CSNK1E: variants seen among roughly 807,000 people sequenced by gnomAD.
The protein encoded by CSNK1E is casein kinase 1 epsilon, also known as casein kinase I isoform epsilon.
CSNK1E carries 17 observed loss-of-function variants against 46.1 expected under a neutral mutation model. That is an observed-to-expected ratio of 0.37 (90% CI 0.25 to 0.55). CSNK1E has a LOEUF of 0.55. Among genes scored for constraint, CSNK1E ranks in the 20% least tolerant of loss-of-function variants. The pLI is 0.82. For synonymous variants in CSNK1E, 241 were observed against 242.6 expected, an observed-to-expected ratio of 0.99 and a Z score of 0.06; for missense variants, 386 against 595.4, an observed-to-expected ratio of 0.65 and a Z score of 3.66.
rs1021496512 is a variant in CSNK1E at position 38,303,882 on chromosome 22, G to A, written c.77-634C>T. On this transcript the variant is annotated intron_variant, in intron 2 of 10. Coordinates refer to ENST00000396832, the MANE Select transcript of CSNK1E (RefSeq NM_152221.3). The surrounding 1 kb of genome is among the most constrained non-coding windows in gnomAD (Gnocchi z 4.7). Reference sequence around the variant, plus strand: ...AAATGGCGGCCTTGAGATCAACCCCGGCTCTGCTGGCCTCCAGCATAGGTC... The same window carrying A: ...AAATGGCGGCCTTGAGATCAACCCCAGCTCTGCTGGCCTCCAGCATAGGTC... Among the ~76,000 whole-genome samples, 4 of 152,142 alleles carry A rather than the reference G, an allele frequency of 2.6e-5. No homozygotes were observed. The highest frequency in any genetic ancestry group is 7.2e-5 in the African/African-American group (3 of 41,432).
intron 7 of CSNK1E, chr22:38,295,436 AG>A: frequency 2.0e-6 from 2 of 978,892 alleles, no homozygotes; most frequent in Non-Finnish European, 1.2e-6. Context: ...GCTGGCAGGA[AG>A]GGGGCCGCAT....
In CSNK1E at chr22:38,298,506, C is replaced by A. The variant is rs2092653229; in HGVS notation, c.885+280G>T. ...GGGGGCGCCGCCAGCACCACCCATG[C>A]CCTGCTGCGGGCACCCAGGAGGGAC... On this transcript the variant is annotated intron_variant, in intron 7 of 10. Coordinates refer to ENST00000396832, the MANE Select transcript of CSNK1E (RefSeq NM_152221.3). This position sits in a 1 kb window ranked among gnomAD's most constrained non-coding sequence, Gnocchi z 4.2. The A allele has an allele frequency of 1.1e-5, 5 of 445,016 alleles. No individual in the cohort carries two copies. The highest frequency in any genetic ancestry group is 1.0e-4 in the South Asian group (5 of 48,060). The allele number at this position is 445,016 out of a possible 1,614,324, so 27.6% of individuals were successfully genotyped here. A position where few individuals can be genotyped will look rare whatever the true frequency, so the allele number is the denominator to read the frequency against.
At chr22:38,305,865 T>C (rs1310995307) in intron 2 of CSNK1E, among the ~76,000 whole-genome samples, 2 of 152,088 alleles carry the variant, frequency 1.3e-5, no homozygotes, top group Non-Finnish European at 2.9e-5. Flanking sequence ...GAGGGGGATT[T>C]GACGCTACTC....
chr22:38,317,346 C>A lies in CSNK1E; in HGVS notation c.-199G>T. On this transcript the variant is annotated 5_prime_UTR_variant, in exon 1 of 11. Coordinates refer to ENST00000396832, the MANE Select transcript of CSNK1E (RefSeq NM_152221.3). ...CCCGGCCGGGCTCTGGCTCTGGGCT[C>A]TCGCCGCCGCCGCCGCCGCCGCCGC... 8.0e-6 allele frequency: 1 copy of A among 124,294 alleles called. No homozygotes were observed. The highest frequency in any genetic ancestry group is 1.9e-4 in the South Asian group (1 of 5,152). The allele number at this position is 124,294 out of a possible 1,614,324, so 7.7% of individuals were successfully genotyped here.
At chr22:38,292,991 G>A (rs1186375468) in intron 10 of CSNK1E, 2 of 511,500 alleles carry the variant, frequency 3.9e-6, no homozygotes, top group African/African-American at 3.9e-5. Flanking sequence ...GAAGGAGATA[G>A]AGACCTGGCC....
intron 1 of CSNK1E, among the ~76,000 whole-genome samples, chr22:38,314,805 G>A (rs998098581): frequency 2.0e-5 from 3 of 152,132 alleles, no homozygotes; most frequent in Admixed American, 6.5e-5. Flanking sequence ...CGCCTGCCCC[G>A]GATGGGTGGG....
At position 38,303,219 on chromosome 22, in the gene CSNK1E, C is replaced by T. The variant is rs1187975483; in HGVS notation, c.106G>A (p.Ala36Thr). 6.2e-7 allele frequency: 1 copy of T among 1,608,206 alleles called. No individual in the cohort carries two copies. Among genetic ancestry groups the T allele is most frequent in the Non-Finnish European group, 8.5e-7 (1 of 1,177,884 alleles). Residue 36 changes from alanine to threonine, a missense_variant, in exon 3 of 11, where the codon GCC becomes ACC. By Grantham distance (58) the Ala-to-Thr change is moderately conservative. Coordinates refer to ENST00000396832, the MANE Select transcript of CSNK1E (RefSeq NM_152221.3). The surrounding 1 kb of genome is among the most constrained non-coding windows in gnomAD (Gnocchi z 4.7). ...GANIASGEEV[A>T]IKLECVKTKH... is the part of the protein sequence containing the mutation. ...GTCTTCACACACTCCAGCTTGATGG[C>T]GACTTCCTCACCAGAGGCGATGTTG...
intron 10 of CSNK1E, chr22:38,292,873 C>A (rs749464464): frequency 4.0e-6 from 1 of 249,378 alleles, no homozygotes; most frequent in East Asian, 1.3e-4. Context: ...AATTAACTTG[C>A]GTAACAGCCC....
At chr22:38,312,480 C>G (rs1280447109) in intron 2 of CSNK1E, among the ~76,000 whole-genome samples, 1 of 152,184 alleles carries the variant, frequency 6.6e-6, no homozygotes, top group Admixed American at 6.5e-5. Context: ...GCTTGACTAG[C>G]CTTCAGTGAA....
At chr22:38,299,859 G>A in intron 6 of CSNK1E, 36 bp downstream of exon 6, 2 of 1,603,314 alleles carry the variant, frequency 1.2e-6, no homozygotes, top group South Asian at 1.1e-5. Context: ...TGCCTCAGGG[G>A]CCCCCAGGCA....
Position 38,294,692 on chromosome 22 carries a change from A to C in CSNK1E, c.886-158T>G, listed in dbSNP as rs2075983. Among the ~76,000 whole-genome samples, 1 of 151,954 alleles carries C rather than the reference A, an allele frequency of 6.6e-6. No homozygotes were observed. The highest frequency in any genetic ancestry group is 6.6e-5 in the Admixed American group (1 of 15,266). On this transcript the variant is annotated intron_variant, in intron 7 of 10. Coordinates refer to ENST00000396832, the MANE Select transcript of CSNK1E (RefSeq NM_152221.3). The surrounding 1 kb of genome is among the most constrained non-coding windows in gnomAD (Gnocchi z 5.5). ...ACAAGCGCGGGAAGCCAAGACCCAC[A>C]ATCACACAGCACAGAGACACGAAGC...
chr22:38,294,402 G>A lies in CSNK1E; in HGVS notation c.1018C>T (p.Arg340Trp), dbSNP rs750981124. 3 of 1,556,506 alleles carry A rather than the reference G, an allele frequency of 1.9e-6. No homozygotes were observed. Among genetic ancestry groups the A allele is most frequent in the South Asian group, 1.2e-5 (1 of 85,346 alleles). The stretch of plus-strand genomic sequence containing the variant: ...ACGGGCTCGGCGGCACTGCGGAGCC[G>A]GTTGGCAGTGGCCCCCGTGGGTGGG... ...PGPPTGATANRLRSAAEPVAS... is the reference protein window; with the variant it reads ...PGPPTGATANWLRSAAEPVAS... The change falls in exon 8 of 11, where the codon CGG (arginine) becomes TGG (tryptophan). Residue 340 changes from arginine to tryptophan, a missense_variant. By Grantham distance (101) the Arg-to-Trp change is moderately radical (BLOSUM62 -3). This residue lies in a region of CSNK1E where 174 missense variants were observed against 185.2 expected (regional missense o/e 0.94). Coordinates refer to ENST00000396832, the MANE Select transcript of CSNK1E (RefSeq NM_152221.3). The surrounding 1 kb of genome is among the most constrained non-coding windows in gnomAD (Gnocchi z 5.5).
chr22:38,315,326 G>A (rs1403881399), intron 1 of CSNK1E, among the ~76,000 whole-genome samples: 2 of 152,220 alleles, frequency 1.3e-5, no homozygotes, highest in African/African-American at 2.4e-5. Context: ...AGGGACAGTG[G>A]GCAGATCCCA....
In CSNK1E at chr22:38,294,517, G is replaced by C; in HGVS notation, c.903C>G (p.Pro301=). 6.3e-7 allele frequency: 1 copy of C among 1,593,294 alleles called. No homozygotes were observed. The highest frequency in any genetic ancestry group is 8.5e-7 in the Non-Finnish European group (1 of 1,171,030). The part of the protein sequence containing the change: ...NMLKFGAARN[P]EDVDRERREH... ...CTCGCCGCTCCCGGTCCACATCCTC[G>C]GGATTCCGGGCTGCACCCTGCAGGG... The change falls in exon 8 of 11, where the codon CCC becomes CCG. Residue 301 remains proline, a synonymous_variant. Coordinates refer to ENST00000396832, the MANE Select transcript of CSNK1E (RefSeq NM_152221.3). The surrounding 1 kb of genome is among the most constrained non-coding windows in gnomAD (Gnocchi z 5.5).
At chr22:38,301,924 C>T (rs537795431) in intron 4 of CSNK1E, among the ~76,000 whole-genome samples, 1 of 151,696 alleles carries the variant, frequency 6.6e-6, no homozygotes, top group Non-Finnish European at 1.5e-5. Flanking sequence ...AACCCCTGTA[C>T]GAGATCTCCA....
intron 9 of CSNK1E, 149 bp downstream of exon 9, chr22:38,293,960 G>A (rs2092625509): frequency 4.3e-6 from 4 of 929,248 alleles, no homozygotes; most frequent in South Asian, 3.4e-5. Context: ...AGGATTAAAT[G>A]AGGCCAAGTC....
intron 7 of CSNK1E, chr22:38,297,876 T>G: frequency 2.9e-6 from 3 of 1,051,584 alleles, no homozygotes; most frequent in Non-Finnish European, 2.3e-6. Flanking sequence ...CAGGCACACC[T>G]GGCGACATCA....
rs144038868 is a variant in CSNK1E, at chr22:38,315,654, AC to A, written c.-12-1486del. Among the ~76,000 whole-genome samples the A allele has an allele frequency of 2.5e-3, 360 of 144,546 alleles. 3 individuals are homozygous for A. The highest frequency in any genetic ancestry group is 9.0e-3 in the African/African-American group (353 of 39,056). 94.8% of individuals were successfully genotyped at this position (144,546 alleles called of 152,430 possible). The stretch of plus-strand genomic sequence containing the variant: ...GGGGGTAAGGGGGGGTGTGCACGCA[AC>A]CCCCCCCCAACACCTCAGTCCACTT... On this transcript the variant is annotated intron_variant, in intron 1 of 10. Coordinates refer to ENST00000396832, the MANE Select transcript of CSNK1E (RefSeq NM_152221.3).
At chr22:38,292,111 C>T (rs377285543) in intron 10 of CSNK1E, 173 bp from the exon 11 acceptor site, 2 of 151,870 alleles carry the variant, frequency 1.3e-5, no homozygotes, top group South Asian at 2.1e-4. Flanking sequence ...CTCAGCGTCC[C>T]GAGTAGCTGA....
Sources: gnomAD v4.1 joint callset for allele counts (sites outside exome capture counted in the v4.1 genomes callset) on GRCh38, gnomAD v4.1.1 for gene constraint, gnomAD v4.1.1 regional missense constraint, Gnocchi (gnomAD v3.1) non-coding constraint, MANE v1.5 for transcripts, NCBI Gene and HGNC (gene_info 2026-07-23, HGNC 2026-07-21) for gene names.